The following TXNL4A variants were observed in gnomAD, a reference collection of about 807,000 sequenced individuals.
TXNL4A encodes thioredoxin like 4A.
In TXNL4A, 17 loss-of-function variants were observed where a neutral mutation model predicts 14.6. That is an observed-to-expected ratio of 1.16 (90% CI 0.80 to 1.74). TXNL4A has a LOEUF of 1.74. Ranked by LOEUF, TXNL4A falls within the 40% of genes most tolerant of loss-of-function variation. TXNL4A has a pLI of 0.00. For missense variants in TXNL4A, 74 were observed against 195.2 expected, an observed-to-expected ratio of 0.38 and a Z score of 3.70; for synonymous variants, 83 against 70.6, an observed-to-expected ratio of 1.18 and a Z score of -0.88.
chr18:79,977,381 A>G (rs909572757), intron 2 of TXNL4A: 12 of 535,670 alleles, frequency 2.2e-5, no homozygotes, highest in Non-Finnish European at 2.9e-5. Flanking sequence ...AGTTATTTCA[A>G]AAGGGTAATT....
chr18:80,021,992 C>T (rs545690276), intron 1 of TXNL4A, among the ~76,000 whole-genome samples: 1 of 59,752 alleles, frequency 1.7e-5, no homozygotes, highest in East Asian at 1.2e-3. Flanking sequence ...GGCTAGAATA[C>T]CTTTTTTTTT....
intron 1 of TXNL4A, among the ~76,000 whole-genome samples, chr18:79,986,272 G>C (rs2051546609): frequency 6.6e-6 from 1 of 152,190 alleles, no homozygotes; most frequent in African/African-American, 2.4e-5. Context: ...CTGGGCTCAA[G>C]TGATCGCCTA....
rs1235979994 is a variant in TXNL4A at position 79,993,790 on chromosome 18, C to T, written c.-60-16089G>A. Among the ~76,000 whole-genome samples the T allele has an allele frequency of 1.3e-5, 2 of 152,180 alleles. No homozygotes were observed. Among genetic ancestry groups the T allele is most frequent in the East Asian group, 3.8e-4 (2 of 5,198 alleles). On this transcript the variant is annotated intron_variant, in intron 1 of 2. Transcript: ENST00000585474. This position sits in a 1 kb window ranked among gnomAD's most constrained non-coding sequence, Gnocchi z 4.4. ...CGTGAGGGTGTCTGGGAGGAAAGCA[C>T]CTTAAGACGTGCAACAGCTCTGAGC...
chr18:79,986,248 C>A (rs981647856), intron 1 of TXNL4A, among the ~76,000 whole-genome samples: 1 of 152,188 alleles, frequency 6.6e-6, no homozygotes, highest in African/African-American at 2.4e-5. Flanking sequence ...ATTGTCCAGG[C>A]TGGTCTCGAA....
At chr18:80,002,226 G>C (rs2051702768) in intron 1 of TXNL4A, among the ~76,000 whole-genome samples, 1 of 152,164 alleles carries the variant, frequency 6.6e-6, no homozygotes, top group African/African-American at 2.4e-5. Context: ...AAACAGTACA[G>C]ATTTCAACAA....
At chr18:80,025,209 A>C (rs1295169976) in intron 1 of TXNL4A, among the ~76,000 whole-genome samples, 1 of 152,214 alleles carries the variant, frequency 6.6e-6, no homozygotes, top group South Asian at 2.1e-4. Flanking sequence ...GGAGAGTAGC[A>C]AAAGGGGTGA....
At chr18:80,017,102 G>A (rs2051816364) in intron 1 of TXNL4A, among the ~76,000 whole-genome samples, 1 of 148,272 alleles carries the variant, frequency 6.7e-6, no homozygotes, top group African/African-American at 2.5e-5. Context: ...GGATTCCTAG[G>A]TATTTTATTC....
At chr18:80,029,431 T>G (rs563322884) in intron 1 of TXNL4A, among the ~76,000 whole-genome samples, 1 of 152,204 alleles carries the variant, frequency 6.6e-6, no homozygotes, top group Non-Finnish European at 1.5e-5. Flanking sequence ...ATGCTCTGCA[T>G]GTTTTCTCAT....
In TXNL4A at chr18:79,977,441, C is replaced by G. The variant is rs1177207501; in HGVS notation, c.257+157G>C. On this transcript the variant is annotated intron_variant, in intron 2 of 2. Transcript: ENST00000269601. ...AGAATTGTTACTTTGAAAATTATTTCAAAGATTCACACTGATTGCCTGGTG... is the reference window on the plus strand; with the variant it reads ...AGAATTGTTACTTTGAAAATTATTTGAAAGATTCACACTGATTGCCTGGTG... 8.4e-6 allele frequency: 5 copies of G among 594,380 alleles called. No individual in the cohort carries two copies. The African/African-American group carries it at 9.6e-5, about 11-fold the overall frequency. 36.8% of individuals were successfully genotyped at this position (594,380 alleles called of 1,614,324 possible).
intron 1 of TXNL4A, among the ~76,000 whole-genome samples, chr18:80,012,641 C>T (rs992202606): frequency 1.3e-5 from 2 of 152,226 alleles, no homozygotes; most frequent in African/African-American, 4.8e-5. Context: ...GATATCCATA[C>T]TTAGTCTAGT....
chr18:80,019,460 C>T (rs945424897), intron 1 of TXNL4A, among the ~76,000 whole-genome samples: 1 of 152,216 alleles, frequency 6.6e-6, no homozygotes, highest in Non-Finnish European at 1.5e-5. Flanking sequence ...TCCCACAACA[C>T]ATGGGAATTC....
At chr18:80,021,042 T>C (rs148110436) in intron 1 of TXNL4A, among the ~76,000 whole-genome samples, 3 of 152,302 alleles carry the variant, frequency 2.0e-5, no homozygotes, top group African/African-American at 4.8e-5. Flanking sequence ...TAATATTATA[T>C]ACATATTGTA....
At chr18:80,013,122 A>ATTT (rs35502760) in intron 1 of TXNL4A, among the ~76,000 whole-genome samples, 3 of 96,120 alleles carry the variant, frequency 3.1e-5, no homozygotes, top group South Asian at 4.4e-4. Context: ...AAAAAAAAAA[A>ATTT]TTTTTTTTTT....
intron 1 of TXNL4A, among the ~76,000 whole-genome samples, chr18:80,015,350 T>TA (rs930881577): frequency 1.8e-4 from 23 of 127,196 alleles, no homozygotes; most frequent in African/African-American, 6.0e-4. Flanking sequence ...AATGCTTTTT[T>TA]AAAAAATTAT....
At chr18:80,012,586 T>C (rs1284354312) in intron 1 of TXNL4A, among the ~76,000 whole-genome samples, 8 of 152,324 alleles carry the variant, frequency 5.3e-5, no homozygotes, top group African/African-American at 1.9e-4. Context: ...CCAGGCCTTA[T>C]AAGGTTGCCT....
At chr18:80,003,458 T>C (rs992490053) in intron 1 of TXNL4A, among the ~76,000 whole-genome samples, 2 of 152,202 alleles carry the variant, frequency 1.3e-5, no homozygotes, top group African/African-American at 4.8e-5. Context: ...TCCTTTGGAA[T>C]TGTGAGTTTG....
chr18:79,975,806 C>T (rs1014880027), intron 2 of TXNL4A, among the ~76,000 whole-genome samples: 6 of 151,772 alleles, frequency 4.0e-5, no homozygotes, highest in Admixed American at 6.6e-5. Context: ...TATTTAGCTG[C>T]GGAAACTTCC....
At chr18:80,001,580 C>T (rs749036748) in intron 1 of TXNL4A, among the ~76,000 whole-genome samples, 2 of 152,192 alleles carry the variant, frequency 1.3e-5, no homozygotes, top group Non-Finnish European at 2.9e-5. Context: ...GCAGAACTGC[C>T]CAAGGCCATG....
At chr18:80,028,662 C>T (rs1310818763) in intron 1 of TXNL4A, among the ~76,000 whole-genome samples, 1 of 152,200 alleles carries the variant, frequency 6.6e-6, no homozygotes, top group African/African-American at 2.4e-5. Flanking sequence ...CGGTCCTCTT[C>T]TGGAAGCCAG....
Sources: gnomAD v4.1 joint callset for allele counts (sites outside exome capture counted in the v4.1 genomes callset) on GRCh38, gnomAD v4.1.1 for gene constraint, Gnocchi (gnomAD v3.1) non-coding constraint, MANE v1.5 for transcripts, NCBI Gene and HGNC (gene_info 2026-07-23, HGNC 2026-07-21) for gene names.